TMEM217B: variants seen among roughly 807,000 people sequenced by gnomAD.
TMEM217B encodes putative transmembrane protein 217B.
chr6:37,223,189 G>T, the TMEM217B span, among the ~76,000 whole-genome samples: 1 of 151,868 alleles, frequency 6.6e-6, no homozygotes, highest in African/African-American at 2.4e-5. Context: ...CAAAATGGGG[G>T]TAGCATATTT....
At chr6:37,249,365 G>A in the TMEM217B span, among the ~76,000 whole-genome samples, 14 of 151,958 alleles carry the variant, frequency 9.2e-5, no homozygotes, top group South Asian at 6.2e-4. Context: ...TGTTGCCTAC[G>A]TTGGAGTGCA....
chr6:37,230,781 A>G, the TMEM217B span, among the ~76,000 whole-genome samples: 1 of 152,198 alleles, frequency 6.6e-6, no homozygotes, highest in African/African-American at 2.4e-5. Flanking sequence ...TGCTTAACAC[A>G]GTTAAGCAGA....
chr6:37,237,953 G>A, the TMEM217B span, among the ~76,000 whole-genome samples: 1 of 152,288 alleles, frequency 6.6e-6, no homozygotes, highest in Non-Finnish European at 1.5e-5. Context: ...GAAGTAAAAT[G>A]TGTTGGGGGT....
the TMEM217B span, among the ~76,000 whole-genome samples, chr6:37,214,134 A>G: frequency 2.6e-5 from 4 of 152,182 alleles, no homozygotes; most frequent in Non-Finnish European, 4.4e-5. Flanking sequence ...AAAATTCACC[A>G]CTTTAGCCCT....
At chr6:37,225,863 G>A in the TMEM217B span, among the ~76,000 whole-genome samples, 1 of 152,028 alleles carries the variant, frequency 6.6e-6, no homozygotes, top group Admixed American at 6.6e-5. Context: ...AAGAATTAGG[G>A]GTGCTCTCAC....
At chr6:37,221,482 T>G in the TMEM217B span, among the ~76,000 whole-genome samples, 57 of 152,278 alleles carry the variant, frequency 3.7e-4, no homozygotes, top group African/African-American at 1.3e-3. Flanking sequence ...CCACCCCACC[T>G]GGCCATGTAA....
At chr6:37,243,806 T>C in the TMEM217B span, among the ~76,000 whole-genome samples, 6 of 152,112 alleles carry the variant, frequency 3.9e-5, no homozygotes, top group African/African-American at 1.4e-4. Context: ...GACTAGGGAA[T>C]GGGTGGTGCT....
At chr6:37,226,780 C>T in the TMEM217B span, among the ~76,000 whole-genome samples, 4 of 21,308 alleles carry the variant, frequency 1.9e-4, no homozygotes, top group African/African-American at 8.2e-4. Context: ...TCAGGCTGCT[C>T]GAACTTCTGA....
the TMEM217B span, among the ~76,000 whole-genome samples, chr6:37,214,862 G>C: frequency 0.013 from 2,000 of 152,180 alleles, 32 homozygotes; most frequent in Middle Eastern, 0.071. Context: ...TTGTCTAGTG[G>C]GTAGCTGCAC....
At chr6:37,215,102 C>T in the TMEM217B span, 48 of 1,515,062 alleles carry the variant, frequency 3.2e-5, no homozygotes, top group South Asian at 7.5e-5. Flanking sequence ...TCTCCACCCT[C>T]GGCACCTCTC....
At chr6:37,252,989 C>T in the TMEM217B span, among the ~76,000 whole-genome samples, 3 of 152,020 alleles carry the variant, frequency 2.0e-5, no homozygotes, top group Admixed American at 6.6e-5. Context: ...AGAAAAGTTC[C>T]AGAAGTACCA....
At chr6:37,239,683 T>G in the TMEM217B span, among the ~76,000 whole-genome samples, 1 of 152,140 alleles carries the variant, frequency 6.6e-6, no homozygotes, top group Non-Finnish European at 1.5e-5. Context: ...ACTTGTGATC[T>G]CAGTAGAATA....
At chr6:37,252,162 G>A in the TMEM217B span, among the ~76,000 whole-genome samples, 2 of 152,176 alleles carry the variant, frequency 1.3e-5, no homozygotes, top group Non-Finnish European at 2.9e-5. Context: ...CAAAGTGCTG[G>A]GATTACAGGC....
At chr6:37,257,768 G>T in the TMEM217B span, 1 of 798,864 alleles carries the variant, frequency 1.3e-6, no homozygotes, top group Non-Finnish European at 2.0e-6. Context: ...GTGGAGGGGT[G>T]CCCACATCCA....
the TMEM217B span, among the ~76,000 whole-genome samples, chr6:37,248,229 T>C: frequency 3.3e-5 from 5 of 152,164 alleles, no homozygotes; most frequent in Non-Finnish European, 7.4e-5. Context: ...ACTCCTCTAC[T>C]AGATTATACA....
At chr6:37,236,389 G>A in the TMEM217B span, among the ~76,000 whole-genome samples, 1 of 152,160 alleles carries the variant, frequency 6.6e-6, no homozygotes, top group African/African-American at 2.4e-5. Context: ...GTTATTTTTA[G>A]AGTATGAGCA....
At chr6:37,248,145 G>A in the TMEM217B span, among the ~76,000 whole-genome samples, 1 of 152,060 alleles carries the variant, frequency 6.6e-6, no homozygotes, top group Non-Finnish European at 1.5e-5. Flanking sequence ...GCTCCACTCT[G>A]TGTCTTCTTA....
At chr6:37,256,691 T>G in the TMEM217B span, among the ~76,000 whole-genome samples, 3 of 145,868 alleles carry the variant, frequency 2.1e-5, no homozygotes, top group Non-Finnish European at 1.5e-5. Flanking sequence ...AGGGGTCAGG[T>G]CTTTAAGTAT....
chr6:37,215,290 A>C, the TMEM217B span: 3 of 1,610,716 alleles, frequency 1.9e-6, no homozygotes, highest in East Asian at 6.7e-5. Flanking sequence ...AAGCTAGACA[A>C]ATAAAAAAAC....
Sources: allele counts gnomAD v4.1 joint callset (sites outside exome capture counted in the v4.1 genomes callset), GRCh38; gene constraint gnomAD v4.1.1; transcripts MANE v1.5; gene names NCBI Gene and HGNC (gene_info 2026-07-23, HGNC 2026-07-21).